The following BCAS3 variants were observed in gnomAD, a reference collection of about 807,000 sequenced individuals.
BCAS3 encodes the protein BCAS4/BCAS3 fusion.
Under a neutral mutation model 116.1 loss-of-function variants are expected in BCAS3, and 53 were observed. The observed-to-expected ratio is 0.46, with a 90% CI of 0.37 to 0.57. The LOEUF is 0.57. Among genes scored for constraint, BCAS3 ranks in the 20% least tolerant of loss-of-function variants. BCAS3 has a pLI of 0.00. For missense variants in BCAS3, 917 were observed against 1,165.4 expected (o/e 0.79, Z 3.10); for synonymous variants, 391 against 408.2 (o/e 0.96, Z 0.51).
At chr17:61,150,749 CTT>C (rs2077498616) in intron 22 of BCAS3, among the ~76,000 whole-genome samples, 1 of 152,170 alleles carries the variant, frequency 6.6e-6, no homozygotes, top group African/African-American at 2.4e-5. Context: ...TTGTAAATGT[CTT>C]TAACCCCCAG....
In BCAS3 at chr17:61,302,338, A is replaced by T. The variant is rs529209368; in HGVS notation, c.2426-65989A>T. Among the ~76,000 whole-genome samples the T allele has an allele frequency of 2.6e-5, 4 of 152,300 alleles. No homozygotes were observed. Among genetic ancestry groups the T allele is most frequent in the Admixed American group, 1.3e-4 (2 of 15,300 alleles). ...AGACGACTTCAAGTATTCAGCAATAACTCATGTCCACTTAATGTGAAAATT... is the reference window on the plus strand; with the variant it reads ...AGACGACTTCAAGTATTCAGCAATATCTCATGTCCACTTAATGTGAAAATT... On this transcript the variant is annotated intron_variant, in intron 22 of 23. Coordinates refer to ENST00000407086, the MANE Select transcript of BCAS3 (RefSeq NM_017679.5). This position sits in a 1 kb window ranked among gnomAD's most constrained non-coding sequence, Gnocchi z 4.4.
chr17:60,920,848 C>T (rs1446978474), intron 12 of BCAS3, among the ~76,000 whole-genome samples: 5 of 151,238 alleles, frequency 3.3e-5, no homozygotes, highest in South Asian at 4.2e-4. Context: ...CCAGCCTGGG[C>T]GACAGAGCAA....
chr17:60,943,898 G>C (rs899414484), intron 13 of BCAS3, among the ~76,000 whole-genome samples: 55 of 151,960 alleles, frequency 3.6e-4, no homozygotes, highest in Non-Finnish European at 6.5e-4. Flanking sequence ...TAACCCACGA[G>C]CAAAAGACAA....
intron 19 of BCAS3, among the ~76,000 whole-genome samples, chr17:61,070,850 G>A (rs559224369): frequency 1.3e-5 from 2 of 152,244 alleles, no homozygotes; most frequent in Non-Finnish European, 2.9e-5. Flanking sequence ...TGATTTCTTT[G>A]TATGAAAGTT....
chr17:60,758,433 T>G (rs1760249661), intron 6 of BCAS3, among the ~76,000 whole-genome samples: 1 of 152,106 alleles, frequency 6.6e-6, no homozygotes. Context: ...CTGCTAATTT[T>G]GAGTTTGGTT....
chr17:61,070,041 G>C, intron 19 of BCAS3: 1 of 1,594,822 alleles, frequency 6.3e-7, no homozygotes, highest in Non-Finnish European at 8.5e-7. Context: ...TCTGGAGACA[G>C]CCCAAATATC....
rs1223179928 is a variant in BCAS3 at position 61,367,338 on chromosome 17, G to A, written c.2426-989G>A. Reference sequence around the variant, plus strand: ...GTGACTATAATCTCCTTCCGAGAGAGAGTGGATGAAATAAGCTTTCACAGA... The same window carrying A: ...GTGACTATAATCTCCTTCCGAGAGAAAGTGGATGAAATAAGCTTTCACAGA... On this transcript the variant is annotated intron_variant, in intron 22 of 23. Transcript: ENST00000407086. The surrounding 1 kb of genome is among the most constrained non-coding windows in gnomAD (Gnocchi z 6.2). Among the ~76,000 whole-genome samples the A allele has an allele frequency of 2.6e-5, 4 of 152,204 alleles. No individual in the cohort carries two copies. The highest frequency in any genetic ancestry group is 9.6e-5 in the African/African-American group (4 of 41,456).
At chr17:60,699,468 A>G (rs59038656) in intron 4 of BCAS3, among the ~76,000 whole-genome samples, 10,669 of 152,130 alleles carry the variant, frequency 0.07, 1,247 homozygotes, top group African/African-American at 0.24. Flanking sequence ...TGATCTGCCC[A>G]CCTCAGCCTC....
intron 22 of BCAS3, among the ~76,000 whole-genome samples, chr17:61,275,338 T>A (rs1315342599): frequency 6.6e-6 from 1 of 152,106 alleles, no homozygotes; most frequent in Non-Finnish European, 1.5e-5. Context: ...GTATATAGAA[T>A]AAAGGATTCA....
At chr17:60,902,923 AT>A (rs2057989755) in intron 11 of BCAS3, among the ~76,000 whole-genome samples, 1 of 152,212 alleles carries the variant, frequency 6.6e-6, no homozygotes, top group Non-Finnish European at 1.5e-5. Flanking sequence ...ATTCTCTGTG[AT>A]TTGCATCGTT....
In BCAS3 at chr17:60,993,014, A is replaced by G. The variant is rs2063627987; in HGVS notation, c.1486+2779A>G. On this transcript the variant is annotated intron_variant, in intron 15 of 23. Transcript: ENST00000407086. The surrounding 1 kb of genome is among the most constrained non-coding windows in gnomAD (Gnocchi z 4.2). ...AAATTAAGAAGGCTTTGTGATCCCT[A>G]CATTTATATGTCTTTGGAAGATATT... is the stretch of plus-strand genomic sequence containing the variant. Among the ~76,000 whole-genome samples, 1 of 152,182 alleles carries G rather than the reference A, an allele frequency of 6.6e-6. No individual in the cohort carries two copies. The highest frequency in any genetic ancestry group is 1.5e-5 in the Non-Finnish European group (1 of 68,024).
chr17:60,875,464 A>G (rs1332144990), intron 9 of BCAS3, among the ~76,000 whole-genome samples: 4 of 152,110 alleles, frequency 2.6e-5, no homozygotes, highest in Non-Finnish European at 4.4e-5. Flanking sequence ...CACATTTTCA[A>G]AGAAAGCAAT....
chr17:61,358,844 A>G (rs1280222819), intron 22 of BCAS3, among the ~76,000 whole-genome samples: 1 of 152,102 alleles, frequency 6.6e-6, no homozygotes, highest in East Asian at 1.9e-4. Context: ...AGCTTATACT[A>G]GTAATATTCC....
intron 22 of BCAS3, among the ~76,000 whole-genome samples, chr17:61,247,624 C>T (rs1256115307): frequency 1.3e-5 from 2 of 152,190 alleles, no homozygotes; most frequent in Non-Finnish European, 2.9e-5. Context: ...TGACCATGTG[C>T]CAAGTCCCTT....
At chr17:60,702,095 CACTTA>C (rs1325003476) in intron 4 of BCAS3, among the ~76,000 whole-genome samples, 1 of 152,196 alleles carries the variant, frequency 6.6e-6, no homozygotes, top group African/African-American at 2.4e-5. Context: ...TGTACACACA[CACTTA>C]ACAGACAGTA....
At chr17:61,330,861 C>T (rs1266632942) in intron 22 of BCAS3, among the ~76,000 whole-genome samples, 3 of 152,196 alleles carry the variant, frequency 2.0e-5, no homozygotes, top group Non-Finnish European at 2.9e-5. Flanking sequence ...CAGAATCAGC[C>T]AATGGTGGTG....
Position 60,924,442 on chromosome 17 carries a change from T to G in BCAS3, c.1029T>G (p.Ile343Met). The change falls in exon 13 of 24, where the codon ATT becomes ATG. Residue 343 changes from isoleucine (I) to methionine (M), a missense_variant. By Grantham distance (10) the Ile-to-Met change is conservative (BLOSUM62 1). Around this residue, in one of 3 missense-constraint regions of BCAS3, gnomAD observed 807 missense variants for 1,026.0 expected, o/e 0.79. Coordinates refer to ENST00000407086, the MANE Select transcript of BCAS3 (RefSeq NM_017679.5). The stretch of plus-strand genomic sequence containing the variant: ...GTGAGGATTCTGACAGTGATGGCAT[T>G]GTGGCCCACTTCCCTGCCCATGAGA... ...LVSEDSDSDGIVAHFPAHEKP... is the reference protein window; with the variant it reads ...LVSEDSDSDGMVAHFPAHEKP... The G allele has an allele frequency of 6.2e-7, 1 of 1,613,952 alleles. No individual in the cohort carries two copies. The highest frequency in any genetic ancestry group is 8.5e-7 in the Non-Finnish European group (1 of 1,179,906).
At chr17:60,938,231 A>G (rs1299362052) in intron 13 of BCAS3, among the ~76,000 whole-genome samples, 1 of 152,220 alleles carries the variant, frequency 6.6e-6, no homozygotes, top group Non-Finnish European at 1.5e-5. Flanking sequence ...TAAAATAGCC[A>G]AATCAATCTT....
At chr17:61,255,869 C>G (rs2048736416) in intron 22 of BCAS3, among the ~76,000 whole-genome samples, 1 of 152,144 alleles carries the variant, frequency 6.6e-6, no homozygotes, top group Admixed American at 6.5e-5. Context: ...GAAGAAGTGG[C>G]TGGGGCTGGA....
Sources: gnomAD v4.1 joint callset for allele counts (sites outside exome capture counted in the v4.1 genomes callset) on GRCh38, gnomAD v4.1.1 for gene constraint, gnomAD v4.1.1 regional missense constraint, Gnocchi (gnomAD v3.1) non-coding constraint, MANE v1.5 for transcripts, NCBI Gene and HGNC (gene_info 2026-07-23, HGNC 2026-07-21) for gene names.